TMEM132C: variants seen among roughly 807,000 people sequenced by gnomAD.
TMEM132C encodes the protein transmembrane protein 132C.
TMEM132C carries 29 observed loss-of-function variants against 61.4 expected under a neutral mutation model. That is an observed-to-expected ratio of 0.47 (90% CI 0.35 to 0.64). The LOEUF (loss-of-function observed/expected upper bound fraction) is 0.64. Ranked by LOEUF, TMEM132C falls within the 30% of genes least tolerant of loss-of-function variation. TMEM132C has a pLI of 0.00. For synonymous variants in TMEM132C, 656 were observed against 633.1 expected (o/e 1.04, Z -0.54); for missense variants, 1,408 against 1,476.9 (o/e 0.95, Z 0.76).
At chr12:128,695,501 C>T (rs568644854) in intron 6 of TMEM132C, among the ~76,000 whole-genome samples, 5 of 152,026 alleles carry the variant, frequency 3.3e-5, no homozygotes, top group African/African-American at 1.2e-4. Context: ...TTAGCCTGGA[C>T]AACAGAGCAA....
At chr12:128,697,944 C>T (rs752671517) in intron 8 of TMEM132C, among the ~76,000 whole-genome samples, 50 of 152,200 alleles carry the variant, frequency 3.3e-4, no homozygotes, top group Admixed American at 9.8e-4. Context: ...CTGAGCATGG[C>T]TCTTTCTCAT....
chr12:128,445,600 G>A (rs1468949556), intron 2 of TMEM132C, among the ~76,000 whole-genome samples: 4 of 152,232 alleles, frequency 2.6e-5, no homozygotes, highest in East Asian at 1.9e-4. Context: ...TCAGCTCCGC[G>A]GACCATCCCC....
At chr12:128,335,394 T>C (rs1400402287) in intron 1 of TMEM132C, among the ~76,000 whole-genome samples, 1 of 152,238 alleles carries the variant, frequency 6.6e-6, no homozygotes, top group East Asian at 1.9e-4. Context: ...TTTGAATGTT[T>C]TACATATTGG....
chr12:128,430,800 C>T (rs997675921), intron 2 of TMEM132C, among the ~76,000 whole-genome samples: 9 of 152,132 alleles, frequency 5.9e-5, no homozygotes, highest in African/African-American at 2.2e-4. Context: ...GAACTGTGCC[C>T]ATATAAGATG....
rs116882606 is a variant in TMEM132C at position 128,366,467 on chromosome 12, G to T, written c.86-48265G>T. On this transcript the variant is annotated intron_variant, in intron 1 of 8. Coordinates refer to ENST00000435159, the MANE Select transcript of TMEM132C (RefSeq NM_001136103.3). Reference sequence around the variant, plus strand: ...CCTTCTGGCTCCTCAGCTGGACGCGGCTTCTTATAGCCCCGGATCACAGAA... The same window carrying T: ...CCTTCTGGCTCCTCAGCTGGACGCGTCTTCTTATAGCCCCGGATCACAGAA... Among the ~76,000 whole-genome samples, 733 of 152,298 alleles carry T rather than the reference G, an allele frequency of 4.8e-3. 15 individuals are homozygous for T. The East Asian group carries it at 0.049, about 10-fold the overall frequency.
intron 1 of TMEM132C, among the ~76,000 whole-genome samples, chr12:128,382,241 A>AT (rs571527298): frequency 1.9e-4 from 29 of 152,094 alleles, no homozygotes; most frequent in African/African-American, 5.5e-4. Context: ...AGAAAAATGC[A>AT]TTTTTTTCCC....
At chr12:128,294,930 A>G (rs2135912503) in intron 1 of TMEM132C, among the ~76,000 whole-genome samples, 1 of 144,346 alleles carries the variant, frequency 6.9e-6, no homozygotes, top group East Asian at 2.3e-4. Flanking sequence ...CATTTTCCTC[A>G]TCTTTGACTT....
At chr12:128,700,701 T>C (rs1040103549) in intron 8 of TMEM132C, among the ~76,000 whole-genome samples, 1 of 152,194 alleles carries the variant, frequency 6.6e-6, no homozygotes, top group Non-Finnish European at 1.5e-5. Flanking sequence ...CCAAGCCTTG[T>C]TTGCTCTAAA....
At chr12:128,556,376 G>A (rs1028349058) in intron 3 of TMEM132C, among the ~76,000 whole-genome samples, 2 of 152,188 alleles carry the variant, frequency 1.3e-5, no homozygotes, top group Non-Finnish European at 1.5e-5. Flanking sequence ...AGGACATGGC[G>A]CCCATGAGAA....
Position 128,415,607 on chromosome 12 carries a change from C to T in TMEM132C, c.961C>T (p.Leu321Phe). The change falls in exon 2 of 9, where the codon CTC becomes TTC. Residue 321 changes from leucine to phenylalanine, a missense_variant. Transcript: ENST00000435159. The surrounding 1 kb of genome is among the most constrained non-coding windows in gnomAD (Gnocchi z 5.8). ...VTISSNSSVD[L>F]FILRAKVKKG... ...CATCTCGAGCAATTCCTCTGTGGAC[C>T]TCTTCATCTTGAGGTAGGTGCCCAT... The T allele has an allele frequency of 6.5e-7, 1 of 1,531,074 alleles. No individual in the cohort carries two copies. Among genetic ancestry groups the T allele is most frequent in the Non-Finnish European group, 8.8e-7 (1 of 1,134,818 alleles). The allele number at this position is 1,531,074 out of a possible 1,614,324, so 94.8% of individuals were successfully genotyped here. A position where few individuals can be genotyped will look rare whatever the true frequency, so the allele number is the denominator to read the frequency against.
At chr12:128,396,554 C>T (rs1874966180) in intron 1 of TMEM132C, among the ~76,000 whole-genome samples, 1 of 152,128 alleles carries the variant, frequency 6.6e-6, no homozygotes, top group Admixed American at 6.5e-5. Context: ...ACATGTATCT[C>T]AGAACTTAAA....
At chr12:128,461,133 G>A (rs887033447) in intron 2 of TMEM132C, among the ~76,000 whole-genome samples, 8 of 152,216 alleles carry the variant, frequency 5.3e-5, no homozygotes, top group Admixed American at 5.2e-4. Context: ...TCTTCTCTGT[G>A]TGTAACTTGC....
Position 128,415,219 on chromosome 12 carries a change from G to T in TMEM132C, c.573G>T (p.Leu191=). The change falls in exon 2 of 9, where the codon CTG becomes CTT. Residue 191 remains leucine (L), a synonymous_variant. Coordinates refer to ENST00000435159, the MANE Select transcript of TMEM132C (RefSeq NM_001136103.3). The surrounding 1 kb of genome is among the most constrained non-coding windows in gnomAD (Gnocchi z 5.8). ...GCAGCTGCCGGCTGAAGGGGGACCT[G>T]GGGCTGTGTGTGGCTGAGCTGGAGC... ...VRGSCRLKGD[L]GLCVAELELL... is the part of the protein sequence containing the mutation. 6.2e-7 allele frequency: 1 copy of T among 1,610,010 alleles called. No individual in the cohort carries two copies. The highest frequency in any genetic ancestry group is 1.1e-5 in the South Asian group (1 of 90,370).
At chr12:128,393,324 C>G (rs2136002120) in intron 1 of TMEM132C, among the ~76,000 whole-genome samples, 1 of 152,280 alleles carries the variant, frequency 6.6e-6, no homozygotes, top group African/African-American at 2.4e-5. Flanking sequence ...TCATGGGACC[C>G]TTGCCAGTCA....
At chr12:128,589,001 G>A (rs1875650950) in intron 3 of TMEM132C, among the ~76,000 whole-genome samples, 2 of 152,202 alleles carry the variant, frequency 1.3e-5, no homozygotes, top group African/African-American at 4.8e-5. Context: ...GCAGACTGGA[G>A]CTGCCTTGGG....
chr12:128,480,799 G>C (rs995062137), intron 2 of TMEM132C, among the ~76,000 whole-genome samples: 5 of 152,148 alleles, frequency 3.3e-5, no homozygotes, highest in Admixed American at 6.5e-5. Context: ...AAGCCTTGCT[G>C]CACTGCTTAC....
intron 1 of TMEM132C, among the ~76,000 whole-genome samples, chr12:128,366,682 G>A (rs1873882546): frequency 6.6e-6 from 1 of 152,236 alleles, no homozygotes; most frequent in Admixed American, 6.5e-5. Context: ...GGTCAAGCCA[G>A]TTCCTCCTTC....
intron 3 of TMEM132C, among the ~76,000 whole-genome samples, chr12:128,556,833 C>T (rs996978527): frequency 1.3e-5 from 2 of 152,154 alleles, no homozygotes; most frequent in Non-Finnish European, 2.9e-5. Flanking sequence ...CCTGACTGCT[C>T]CTGCCACTAT....
intron 2 of TMEM132C, among the ~76,000 whole-genome samples, chr12:128,446,684 A>G (rs1869991947): frequency 6.6e-6 from 1 of 152,188 alleles, no homozygotes; most frequent in Non-Finnish European, 1.5e-5. Context: ...TTGCTTTTGC[A>G]TCTCCCATTA....
Sources: allele counts gnomAD v4.1 joint callset (sites outside exome capture counted in the v4.1 genomes callset), GRCh38; gene constraint gnomAD v4.1.1; non-coding constraint Gnocchi (gnomAD v3.1); transcripts MANE v1.5; gene names NCBI Gene and HGNC (gene_info 2026-07-23, HGNC 2026-07-21).